Variants in ZMYND11 observed in about 807,000 individuals in gnomAD.
ZMYND11 encodes zinc finger MYND domain-containing protein 11.
ZMYND11 carries 9 observed loss-of-function variants against 84.9 expected under a neutral mutation model. The observed-to-expected ratio is 0.11, with a 90% CI of 0.06 to 0.18. The LOEUF is 0.18. Among genes scored for constraint, ZMYND11 ranks in the 10% least tolerant of loss-of-function variants. ZMYND11 has a pLI of 1.00. For missense variants in ZMYND11, 409 were observed against 761.0 expected, an observed-to-expected ratio of 0.54 and a Z score of 5.44; for synonymous variants, 250 against 244.1, an observed-to-expected ratio of 1.02 and a Z score of -0.23.
rs1358673853 is a variant in ZMYND11 at position 249,281 on chromosome 10, G to C, written c.1686+193G>C. 9 of 1,428,130 alleles carry C rather than the reference G, an allele frequency of 6.3e-6. No individual in the cohort carries two copies. In the African/African-American group the frequency reaches 1.2e-4, roughly 18 times the overall value. 88.5% of individuals were successfully genotyped at this position (1,428,130 alleles called of 1,614,324 possible). A position where few individuals can be genotyped will look rare whatever the true frequency, so the allele number is the denominator to read the frequency against. The stretch of plus-strand genomic sequence containing the variant: ...TCTCAACCCCAGATCCCATATTACT[G>C]TGTACTGCTCAGGATTATTTTGTTA... On this transcript the variant is annotated intron_variant, in intron 14 of 14. Coordinates refer to ENST00000381604, the MANE Select transcript of ZMYND11 (RefSeq NM_001370100.5).
upstream of ZMYND11, among the ~76,000 whole-genome samples, chr10:131,702 T>A (rs945177795): frequency 1.7e-4 from 26 of 151,936 alleles, no homozygotes; most frequent in Admixed American, 7.9e-4. Context: ...TTTTTTTTTT[T>A]AATTTTGTAG....
At chr10:159,079 TTTA>T (rs1842413155) in intron 1 of ZMYND11, among the ~76,000 whole-genome samples, 1 of 149,152 alleles carries the variant, frequency 6.7e-6, no homozygotes, top group Non-Finnish European at 1.5e-5. Flanking sequence ...TGAAGTCCAC[TTTA>T]TTTTTTCTTT....
At chr10:249,388 G>A (rs1318396301) in intron 14 of ZMYND11, 6 of 1,099,618 alleles carry the variant, frequency 5.5e-6, no homozygotes, top group African/African-American at 1.7e-5. Context: ...TTTTATTTGG[G>A]CAAAGTGGCT....
intron 1 of ZMYND11, among the ~76,000 whole-genome samples, chr10:160,370 A>G (rs1376331945): frequency 6.6e-6 from 1 of 152,230 alleles, no homozygotes; most frequent in African/African-American, 2.4e-5. Flanking sequence ...GCCTTCAGGG[A>G]ATTGTGGTCT....
At chr10:198,460 A>G (rs1258921670) in intron 2 of ZMYND11, among the ~76,000 whole-genome samples, 1 of 152,240 alleles carries the variant, frequency 6.6e-6, no homozygotes, top group Non-Finnish European at 1.5e-5. Context: ...GTTAATCCCC[A>G]TAAAATCTTT....
chr10:136,558 G>C (rs1588337378), intron 1 of ZMYND11, among the ~76,000 whole-genome samples: 1 of 152,238 alleles, frequency 6.6e-6, no homozygotes, highest in East Asian at 1.9e-4. Flanking sequence ...CTCAGCCCCC[G>C]GTATTGTGTG....
intron 1 of ZMYND11, among the ~76,000 whole-genome samples, chr10:157,167 C>T (rs1337608074): frequency 6.6e-6 from 1 of 152,054 alleles, no homozygotes; most frequent in African/African-American, 2.4e-5. Context: ...ATATAATTCT[C>T]TCTAGTATAT....
chr10:134,305 TCTGA>T (rs1835431593), upstream of ZMYND11, among the ~76,000 whole-genome samples: 2 of 150,952 alleles, frequency 1.3e-5, no homozygotes, highest in South Asian at 2.1e-4. Context: ...AGCAGAGGAC[TCTGA>T]CTGACAGGTG....
chr10:233,487 T>TA (rs1564428369), intron 4 of ZMYND11, among the ~76,000 whole-genome samples: 1 of 152,186 alleles, frequency 6.6e-6, no homozygotes, highest in Admixed American at 6.5e-5. Flanking sequence ...GGTCCTAACG[T>TA]AATAAACACT....
intron 1 of ZMYND11, among the ~76,000 whole-genome samples, chr10:139,704 C>CTTTTTTTTT (rs67915368): frequency 3.7e-5 from 3 of 80,260 alleles, no homozygotes; most frequent in Non-Finnish European, 6.7e-5. Context: ...ACACATGGTC[C>CTTTTTTTTT]TTTTTTTTTT....
intron 4 of ZMYND11, among the ~76,000 whole-genome samples, chr10:235,704 A>C (rs1416250061): frequency 6.6e-6 from 1 of 152,236 alleles, no homozygotes; most frequent in Non-Finnish European, 1.5e-5. Context: ...CTGTGGGCAC[A>C]GGCCACAAAG....
chr10:192,135 C>G (rs1456338954), intron 2 of ZMYND11, among the ~76,000 whole-genome samples: 1 of 152,168 alleles, frequency 6.6e-6, no homozygotes, highest in Non-Finnish European at 1.5e-5. Flanking sequence ...CCATGCTTTT[C>G]CACTCTGCTT....
At chr10:232,602 G>T (rs1310507916) in intron 4 of ZMYND11, among the ~76,000 whole-genome samples, 1 of 152,194 alleles carries the variant, frequency 6.6e-6, no homozygotes, top group African/African-American at 2.4e-5. Context: ...GCCCATCACA[G>T]AGCAGTGCTT....
At chr10:176,277 T>A (rs1554766922) in intron 1 of ZMYND11, among the ~76,000 whole-genome samples, 2 of 146,796 alleles carry the variant, frequency 1.4e-5, no homozygotes, top group African/African-American at 5.0e-5. Context: ...CTACTTTTTA[T>A]TTTTTTTTTT....
At chr10:145,060 T>G (rs1430351456) in intron 1 of ZMYND11, among the ~76,000 whole-genome samples, 1 of 151,366 alleles carries the variant, frequency 6.6e-6, no homozygotes, top group Non-Finnish European at 1.5e-5. Flanking sequence ...TTTAGAATAA[T>G]GGCCTCTAGC....
chr10:239,906 G>C, intron 7 of ZMYND11, 150 bp from the exon 8 acceptor site: 1 of 603,084 alleles, frequency 1.7e-6, no homozygotes. Context: ...AGCTGCCTGT[G>C]TAATTTTATT....
intron 1 of ZMYND11, among the ~76,000 whole-genome samples, chr10:164,873 C>G (rs1429578206): frequency 1.3e-5 from 2 of 151,992 alleles, no homozygotes; most frequent in Non-Finnish European, 2.9e-5. Flanking sequence ...AAAAAGAAAA[C>G]TAAAATAGTT....
chr10:208,846 T>C (rs1445795384), intron 2 of ZMYND11, among the ~76,000 whole-genome samples: 1 of 152,186 alleles, frequency 6.6e-6, no homozygotes, highest in Non-Finnish European at 1.5e-5. Context: ...TGAGGACTTA[T>C]GAGGCATTAC....
Position 149,291 on chromosome 10 carries a change from A to G in ZMYND11, c.-20+13732A>G, listed in dbSNP as rs1387307201. Among the ~76,000 whole-genome samples, 461 of 71,648 alleles carry G rather than the reference A, an allele frequency of 6.4e-3. No homozygotes were observed. In the Middle Eastern group the frequency reaches 0.07, roughly 11 times the overall value. The allele number at this position is 71,648 out of a possible 152,430, so 47.0% of individuals were successfully genotyped here. On this transcript the variant is annotated intron_variant, in intron 1 of 14. Transcript: ENST00000381604. Reference sequence around the variant, plus strand: ...GCAGAACACTGAGGTGGTTGTTATTATTATTATTATTATTATTATTATTAT... The same window carrying G: ...GCAGAACACTGAGGTGGTTGTTATTGTTATTATTATTATTATTATTATTAT...
Sources: allele counts gnomAD v4.1 joint callset (sites outside exome capture counted in the v4.1 genomes callset), GRCh38; gene constraint gnomAD v4.1.1; transcripts MANE v1.5; gene names NCBI Gene and HGNC (gene_info 2026-07-23, HGNC 2026-07-21).